POLG2: variants seen among roughly 807,000 people sequenced by gnomAD.
The protein encoded by POLG2 is DNA polymerase gamma 2, accessory subunit.
In POLG2, 50 loss-of-function variants were observed where a neutral mutation model predicts 56.5. That is an observed-to-expected ratio of 0.88 (90% CI 0.71 to 1.12). The LOEUF (loss-of-function observed/expected upper bound fraction) is 1.12. Among genes scored for constraint, POLG2 ranks in the 50% most tolerant of loss-of-function variants. The pLI, the probability that POLG2 is intolerant of heterozygous loss-of-function variation, is 0.00. For missense variants in POLG2, 584 were observed against 583.3 expected, an observed-to-expected ratio of 1.00 and a Z score of -0.01; for synonymous variants, 226 against 222.6, an observed-to-expected ratio of 1.02 and a Z score of -0.14.
At chr17:64,488,346 G>C (rs544019168) in intron 4 of POLG2, among the ~76,000 whole-genome samples, 1 of 152,270 alleles carries the variant, frequency 6.6e-6, no homozygotes, top group African/African-American at 2.4e-5. Flanking sequence ...AAGGAACAAT[G>C]TCATGGAAGA....
chr17:64,478,112 G>C, intron 7 of POLG2, 124 bp from the exon 8 acceptor site: 1 of 942,816 alleles, frequency 1.1e-6, no homozygotes, highest in Admixed American at 2.6e-5. Flanking sequence ...CTTAAGGGTG[G>C]ACCAAAAAAA....
chr17:64,485,223 C>T (rs782367247), intron 5 of POLG2: 2 of 157,668 alleles, frequency 1.3e-5, no homozygotes, highest in African/African-American at 4.8e-5. Flanking sequence ...CTTCTCCTCT[C>T]GATTTTCTTT....
At position 64,496,922 on chromosome 17, in the gene POLG2, C is replaced by T. The variant is rs1064797227; in HGVS notation, c.47G>A (p.Cys16Tyr). ...TCGACCCCCAAACCCAGACAACAGG[C>T]ACCTGCAGACCTTATGGCAGGCCCT... is the stretch of plus-strand genomic sequence containing the variant. ...AVRACHKVCR[C>Y]LLSGFGGRVD... Residue 16 changes from cysteine to tyrosine, a missense_variant, in exon 1 of 8, where the codon TGC becomes TAC. Physicochemically the swap from Cys to Tyr is radical, Grantham distance 194. Coordinates refer to ENST00000539111, the MANE Select transcript of POLG2 (RefSeq NM_007215.4). 2 of 1,612,074 alleles carry T rather than the reference C, an allele frequency of 1.2e-6. No individual in the cohort carries two copies. The highest frequency in any genetic ancestry group is 1.7e-6 in the Non-Finnish European group (2 of 1,180,026).
At chr17:64,480,147 A>ATT (rs2037832663) in intron 7 of POLG2, 142 bp downstream of exon 7, 1 of 254,374 alleles carries the variant, frequency 3.9e-6, no homozygotes, top group African/African-American at 2.3e-5. Flanking sequence ...CTAAATGCAC[A>ATT]TAGTTCTGTA....
chr17:64,491,938 A>C (rs1395859491), intron 3 of POLG2: 13 of 219,848 alleles, frequency 5.9e-5, no homozygotes, highest in African/African-American at 1.9e-4. Context: ...AAAAAAAAAA[A>C]CAAAAAAAAA....
chr17:64,495,126 C>T (rs1432305582), intron 1 of POLG2, among the ~76,000 whole-genome samples: 3 of 137,380 alleles, frequency 2.2e-5, no homozygotes, highest in African/African-American at 3.0e-5. Flanking sequence ...TGCAGTGAGC[C>T]GAGATTGTGC....
intron 3 of POLG2, chr17:64,491,572 T>G: frequency 6.4e-7 from 1 of 1,552,564 alleles, no homozygotes; most frequent in East Asian, 2.3e-5. Flanking sequence ...GAGGTCAAAC[T>G]AGGGGAGCTG....
At chr17:64,490,684 A>T (rs542137949) in intron 4 of POLG2, 112 bp downstream of exon 4, 1 of 807,868 alleles carries the variant, frequency 1.2e-6, no homozygotes, top group African/African-American at 1.7e-5. Context: ...GCATCTGAAA[A>T]ATACACAATG....
At chr17:64,478,707 C>G (rs782382675) in intron 7 of POLG2, among the ~76,000 whole-genome samples, 4 of 151,752 alleles carry the variant, frequency 2.6e-5, no homozygotes, top group African/African-American at 4.8e-5. Context: ...ACCAGCCTGG[C>G]CAACATAGTG....
Position 64,493,008 on chromosome 17 carries a change from G to A in POLG2, c.576C>T (p.His192=), listed in dbSNP as rs1555668866. 1 of 1,613,936 alleles carries A rather than the reference G, an allele frequency of 6.2e-7. No individual in the cohort carries two copies. Among genetic ancestry groups the A allele is most frequent in the Non-Finnish European group, 8.5e-7 (1 of 1,179,950 alleles). ...RENLLHGALE[H]YVNCLDLVNK... ...TTACCAGATCCAGGCAATTAACATA[G>A]TGTTCCAAGGCACCTGTCAAAAGAT... is the stretch of plus-strand genomic sequence containing the variant. Residue 192 remains histidine, a synonymous_variant, in exon 2 of 8, where the codon CAC becomes CAT. Coordinates refer to ENST00000539111, the MANE Select transcript of POLG2 (RefSeq NM_007215.4).
rs1259519118 is a variant in POLG2 at position 64,497,019 on chromosome 17, C to T, written c.-51G>A. ...TCTCCCATCACTCAACGGATCCCAA[C>T]AAGCCACCACTACCGTTAACAGAAT... On this transcript the variant is annotated 5_prime_UTR_variant, in exon 1 of 8. Coordinates refer to ENST00000539111, the MANE Select transcript of POLG2 (RefSeq NM_007215.4). 6.6e-7 allele frequency: 1 copy of T among 1,517,278 alleles called. No homozygotes were observed. Among genetic ancestry groups the T allele is most frequent in the Admixed American group, 1.7e-5 (1 of 59,776 alleles). The allele number at this position is 1,517,278 out of a possible 1,614,324, so 94.0% of individuals were successfully genotyped here.
chr17:64,483,513 C>CCA (rs2037898609), intron 5 of POLG2, among the ~76,000 whole-genome samples: 2 of 113,454 alleles, frequency 1.8e-5, no homozygotes, highest in African/African-American at 5.8e-5. Context: ...GATCCTGTCT[C>CCA]AAAAAAAAAA....
chr17:64,495,777 C>T (rs551078824), intron 1 of POLG2, among the ~76,000 whole-genome samples: 2 of 151,932 alleles, frequency 1.3e-5, no homozygotes, highest in Non-Finnish European at 2.9e-5. Context: ...GGCGTGATCT[C>T]GGCTCACTGC....
chr17:64,486,341 TAG>T (rs1555667472), intron 4 of POLG2, among the ~76,000 whole-genome samples: 1,655 of 149,898 alleles, frequency 0.011, 26 homozygotes, highest in Non-Finnish European at 0.018. Context: ...AGCTCAGAGT[TAG>T]TATTCAGAAA....
intron 4 of POLG2, 91 bp from the exon 5 acceptor site, chr17:64,485,959 C>T: frequency 7.7e-7 from 1 of 1,291,636 alleles, no homozygotes; most frequent in South Asian, 1.2e-5. Context: ...GTCACCTGGC[C>T]AGGCTGGAGT....
chr17:64,489,742 G>A (rs569545599), intron 4 of POLG2, among the ~76,000 whole-genome samples: 1 of 150,182 alleles, frequency 6.7e-6, no homozygotes, highest in Admixed American at 6.6e-5. Context: ...GAGTGATAGA[G>A]TGAGATCCTG....
At chr17:64,486,329 C>T (rs1229119586) in intron 4 of POLG2, among the ~76,000 whole-genome samples, 3 of 150,942 alleles carry the variant, frequency 2.0e-5, no homozygotes, top group East Asian at 1.9e-4. Flanking sequence ...TTAATGCTTC[C>T]GAGCTCAGAG....
In POLG2 at chr17:64,496,962, A is replaced by G; in HGVS notation, c.7T>C (p.Ser3Pro). MRSRVAVRACHKV... is the reference protein window; with the variant it reads MRPRVAVRACHKV... ...TGGCAGGCCCTGACGGCTACACGAG[A>G]GCGCATCTCTCTCCGAAGTTAAAGA... The change falls in exon 1 of 8, where the codon TCT (serine) becomes CCT (proline). Residue 3 changes from serine (S) to proline (P), a missense_variant. Ser to Pro is a moderately conservative substitution (Grantham distance 74). Coordinates refer to ENST00000539111, the MANE Select transcript of POLG2 (RefSeq NM_007215.4). 6.2e-7 allele frequency: 1 copy of G among 1,605,380 alleles called. No homozygotes were observed. Among genetic ancestry groups the G allele is most frequent in the Non-Finnish European group, 8.5e-7 (1 of 1,179,886 alleles).
At chr17:64,479,245 T>G (rs1189265774) in intron 7 of POLG2, among the ~76,000 whole-genome samples, 6 of 150,756 alleles carry the variant, frequency 4.0e-5, no homozygotes. Context: ...GTGCAGTGGC[T>G]TGATCTCAGC....
Sources: gnomAD v4.1 joint callset for allele counts (sites outside exome capture counted in the v4.1 genomes callset) on GRCh38, gnomAD v4.1.1 for gene constraint, MANE v1.5 for transcripts, NCBI Gene and HGNC (gene_info 2026-07-23, HGNC 2026-07-21) for gene names.